The following PNPLA7 variants were observed in gnomAD, a reference collection of about 807,000 sequenced individuals.
PNPLA7 encodes the protein patatin-like phospholipase domain-containing protein 7.
Under a neutral mutation model 161.7 loss-of-function variants are expected in PNPLA7, and 153 were observed. The ratio of observed to expected loss-of-function variants is 0.95; its 90% confidence interval spans 0.83 to 1.08. The LOEUF is 1.08. PNPLA7 is among the 50% of genes least tolerant of loss of function. The pLI is 0.00. For synonymous variants in PNPLA7, 809 were observed against 782.1 expected (o/e 1.03, Z -0.57); for missense variants, 1,739 against 1,856.6 (o/e 0.94, Z 1.16).
intron 21 of PNPLA7, among the ~76,000 whole-genome samples, chr9:137,483,103 C>G (rs892221679): frequency 4.6e-5 from 7 of 152,310 alleles, no homozygotes; most frequent in Middle Eastern, 3.4e-3. Context: ...AACTCCTGAC[C>G]TCAAGTGATC....
At chr9:137,484,255 C>T (rs931494869) in intron 21 of PNPLA7, among the ~76,000 whole-genome samples, 7 of 152,280 alleles carry the variant, frequency 4.6e-5, no homozygotes, top group African/African-American at 1.7e-4. Flanking sequence ...CAAGACAACA[C>T]TGAAATTTTT....
chr9:137,483,585 G>A (rs1212272146), intron 21 of PNPLA7, among the ~76,000 whole-genome samples: 1 of 152,048 alleles, frequency 6.6e-6, no homozygotes, highest in Admixed American at 6.6e-5. Flanking sequence ...CTCCCACATA[G>A]CTGGGATTAC....
In PNPLA7 at chr9:137,500,782, G is replaced by T; in HGVS notation, c.1666C>A (p.Leu556Met). 6.2e-7 allele frequency: 1 copy of T among 1,611,904 alleles called. No homozygotes were observed. The highest frequency in any genetic ancestry group is 8.5e-7 in the Non-Finnish European group (1 of 1,179,688). Residue 556 changes from leucine to methionine, a missense_variant, in exon 16 of 35, where the codon CTG (leucine) becomes ATG (methionine). Coordinates refer to ENST00000406427, the MANE Select transcript of PNPLA7 (RefSeq NM_001098537.3). This position sits in a 1 kb window ranked among gnomAD's most constrained non-coding sequence, Gnocchi z 5.5. The stretch of plus-strand genomic sequence containing the variant: ...AGAGGCTCCCCGGTGAGCACGGCCA[G>T]CTGGCCCACCATCTCCCCGGGGCGC... ...LTRPGEMVGQLAVLTGEPLIF... is the reference protein window; with the variant it reads ...LTRPGEMVGQMAVLTGEPLIF...
Position 137,547,115 on chromosome 9 carries a change from AG to A in PNPLA7, c.193+193del. ...TTCCCACTGAAGCCTTGCTCAGGAG[AG>A]GAGAACAGAAAGGGCTCTGAACAGA... On this transcript the variant is annotated intron_variant, in intron 3 of 34. Coordinates refer to ENST00000406427, the MANE Select transcript of PNPLA7 (RefSeq NM_001098537.3). This position sits in a 1 kb window ranked among gnomAD's most constrained non-coding sequence, Gnocchi z 4.6. 6.6e-6 allele frequency among the ~76,000 whole-genome samples: 1 copy of A among 151,670 alleles called. No homozygotes were observed. Among genetic ancestry groups the A allele is most frequent in the Middle Eastern group, 3.4e-3 (1 of 294 alleles).
At chr9:137,478,919 G>GGT in intron 24 of PNPLA7, 137 bp downstream of exon 24, 1 of 1,187,646 alleles carries the variant, frequency 8.4e-7, no homozygotes, top group Non-Finnish European at 1.1e-6. Flanking sequence ...CGTGAGGCAG[G>GGT]GTCACGTTCA....
Position 137,520,108 on chromosome 9 carries a change from G to C in PNPLA7, c.958-65C>G, listed in dbSNP as rs1385604065. On this transcript the variant is annotated intron_variant, in intron 10 of 34. Transcript: ENST00000406427. This position sits in a 1 kb window ranked among gnomAD's most constrained non-coding sequence, Gnocchi z 5.2. ...ACCCCACACCCACTGACAGGTGTGG[G>C]CTCCTCAAAGGTGTGACAGGTGTGG... The C allele has an allele frequency of 2.5e-6, 4 of 1,595,468 alleles. No homozygotes were observed. Among genetic ancestry groups the C allele is most frequent in the Non-Finnish European group, 3.4e-6 (4 of 1,173,546 alleles).
At chr9:137,474,138 C>G (rs1157845735) in intron 25 of PNPLA7, among the ~76,000 whole-genome samples, 1 of 152,126 alleles carries the variant, frequency 6.6e-6, no homozygotes, top group Non-Finnish European at 1.5e-5. Context: ...ACTGGGGAGG[C>G]TGAGGTAGGA....
intron 11 of PNPLA7, among the ~76,000 whole-genome samples, chr9:137,519,205 A>G (rs1402330225): frequency 6.6e-6 from 1 of 152,280 alleles, no homozygotes; most frequent in African/African-American, 2.4e-5. Context: ...ATGATGGGCT[A>G]TAAATAACCA....
At position 137,500,719 on chromosome 9, in the gene PNPLA7, G is replaced by A. The variant is rs1296515366; in HGVS notation, c.1729C>T (p.Leu577=). The change falls in exon 16 of 35, where the codon CTG becomes TTG. Residue 577 remains leucine, a synonymous_variant. Coordinates refer to ENST00000406427, the MANE Select transcript of PNPLA7 (RefSeq NM_001098537.3). This position sits in a 1 kb window ranked among gnomAD's most constrained non-coding sequence, Gnocchi z 5.5. ...TVKANRDCSF[L]SISKAHFYEI... ...TAGAAGTGGGCCTTGGAGATGGACA[G>A]GAAGCTGCAGTCCCTGTTGGCCTTG... is the stretch of plus-strand genomic sequence containing the variant. The A allele has an allele frequency of 1.9e-6, 3 of 1,612,476 alleles. No homozygotes were observed. Among genetic ancestry groups the A allele is most frequent in the South Asian group, 1.1e-5 (1 of 90,992 alleles).
At position 137,478,804 on chromosome 9, in the gene PNPLA7, G is replaced by A. The variant is rs1331171214; in HGVS notation, c.2763+252C>T. ...CCCCCTGATTCAGGCCCATCCCCGG[G>A]GTTCGCTGAGCCCCCAGCCCGATGG... is the stretch of plus-strand genomic sequence containing the variant. On this transcript the variant is annotated intron_variant, in intron 24 of 34. Coordinates refer to ENST00000406427, the MANE Select transcript of PNPLA7 (RefSeq NM_001098537.3). 3.9e-5 allele frequency: 18 copies of A among 456,258 alleles called. No homozygotes were observed. In the Admixed American group the frequency reaches 6.9e-4, roughly 18 times the overall value. The allele number at this position is 456,258 out of a possible 1,614,324, so 28.3% of individuals were successfully genotyped here. A position where few individuals can be genotyped will look rare whatever the true frequency, so the allele number is the denominator to read the frequency against.
At chr9:137,513,851 G>T (rs1262183899) in intron 12 of PNPLA7, among the ~76,000 whole-genome samples, 1 of 152,264 alleles carries the variant, frequency 6.6e-6, no homozygotes, top group Non-Finnish European at 1.5e-5. Flanking sequence ...GAATCCTGCA[G>T]AAAGTGGGCA....
intron 16 of PNPLA7, 73 bp from the exon 17 acceptor site, chr9:137,498,318 G>T: frequency 6.4e-7 from 1 of 1,574,738 alleles, no homozygotes; most frequent in Non-Finnish European, 8.6e-7. Context: ...GCAGTGCTCG[G>T]GAATGGATGG....
intron 19 of PNPLA7, among the ~76,000 whole-genome samples, chr9:137,493,902 G>A (rs1241719256): frequency 1.3e-5 from 2 of 152,220 alleles, no homozygotes; most frequent in Non-Finnish European, 2.9e-5. Flanking sequence ...TACAGCAAGC[G>A]CCAGGACCTA....
chr9:137,460,818 C>A, intron 33 of PNPLA7, 81 bp from the exon 34 acceptor site: 1 of 1,334,604 alleles, frequency 7.5e-7, no homozygotes. Flanking sequence ...GAGGCAGAAC[C>A]GGCCACAGAT....
At position 137,521,757 on chromosome 9, in the gene PNPLA7, G is replaced by A. The variant is rs377361030; in HGVS notation, c.877-41C>T. On this transcript the variant is annotated intron_variant, in intron 9 of 34. Coordinates refer to ENST00000406427, the MANE Select transcript of PNPLA7 (RefSeq NM_001098537.3). Reference sequence around the variant, plus strand: ...AGCTGCGCGGTGACCACCGGCCTGGGGTACAGGGCGGGCCCCCGGCAGCAC... The same window carrying A: ...AGCTGCGCGGTGACCACCGGCCTGGAGTACAGGGCGGGCCCCCGGCAGCAC... 65 of 1,570,982 alleles carry A rather than the reference G, an allele frequency of 4.1e-5. No homozygotes were observed. The African/African-American group carries it at 7.3e-4, about 18-fold the overall frequency.
At chr9:137,536,257 A>G (rs769502690) in intron 8 of PNPLA7, among the ~76,000 whole-genome samples, 38 of 152,172 alleles carry the variant, frequency 2.5e-4, no homozygotes, top group Non-Finnish European at 5.1e-4. Flanking sequence ...CCTCCCTGGC[A>G]TCCTGTCTCA....
chr9:137,487,334 GC>G (rs1269033659), intron 20 of PNPLA7, among the ~76,000 whole-genome samples: 3 of 152,280 alleles, frequency 2.0e-5, no homozygotes, highest in Non-Finnish European at 2.9e-5. Context: ...GTCGGGATAA[GC>G]GCTTGGAGCT....
chr9:137,541,344 T>C lies in PNPLA7; in HGVS notation c.667-622A>G, dbSNP rs1836191143. ...GGGCGGCCTCATCCCCAGGAGCTAC[T>C]GGCTCCAGCTTCCCCCAAGCCCCTT... On this transcript the variant is annotated intron_variant, in intron 7 of 34. Coordinates refer to ENST00000406427, the MANE Select transcript of PNPLA7 (RefSeq NM_001098537.3). The surrounding 1 kb of genome is among the most constrained non-coding windows in gnomAD (Gnocchi z 4.4). The C allele has an allele frequency of 1.1e-6, 1 of 877,878 alleles. No homozygotes were observed. The highest frequency in any genetic ancestry group is 1.8e-5 in the African/African-American group (1 of 55,104). 54.4% of individuals were successfully genotyped at this position (877,878 alleles called of 1,614,324 possible).
intron 6 of PNPLA7, 109 bp from the exon 7 acceptor site, chr9:137,542,910 G>A (rs756577900): frequency 1.4e-5 from 17 of 1,207,494 alleles, no homozygotes; most frequent in Non-Finnish European, 1.9e-5. Context: ...CAGGCTTTGT[G>A]CTGTGGGTCC....
Sources: allele counts gnomAD v4.1 joint callset (sites outside exome capture counted in the v4.1 genomes callset), GRCh38; gene constraint gnomAD v4.1.1; non-coding constraint Gnocchi (gnomAD v3.1); transcripts MANE v1.5; gene names NCBI Gene and HGNC (gene_info 2026-07-23, HGNC 2026-07-21).